The following RCSD1 variants were observed in gnomAD, a reference collection of about 807,000 sequenced individuals.
RCSD1 encodes the protein RCSD domain containing 1.
In RCSD1, 26 loss-of-function variants were observed where a neutral mutation model predicts 42.5. The ratio of observed to expected loss-of-function variants is 0.61; its 90% confidence interval spans 0.45 to 0.85. The LOEUF (loss-of-function observed/expected upper bound fraction) is 0.85, where lower values mean the gene tolerates loss of function less well. Among genes scored for constraint, RCSD1 ranks in the 40% least tolerant of loss-of-function variants. The pLI, the probability that RCSD1 is intolerant of heterozygous loss-of-function variation, is 0.00. For synonymous variants in RCSD1, 220 were observed against 212.2 expected, an observed-to-expected ratio of 1.04 and a Z score of -0.32; for missense variants, 571 against 528.3, an observed-to-expected ratio of 1.08 and a Z score of -0.79.
chr1:167,651,888 G>A (rs1658317811), intron 1 of RCSD1, among the ~76,000 whole-genome samples: 1 of 152,114 alleles, frequency 6.6e-6, no homozygotes, highest in Admixed American at 6.5e-5. Flanking sequence ...TCTTATCTGG[G>A]GGTTGGGTCC....
chr1:167,694,711 C>T (rs747683915), intron 5 of RCSD1, among the ~76,000 whole-genome samples: 1 of 152,202 alleles, frequency 6.6e-6, no homozygotes, highest in African/African-American at 2.4e-5. Flanking sequence ...AACTCCAAAA[C>T]GTCCTGTCTG....
intron 6 of RCSD1, among the ~76,000 whole-genome samples, chr1:167,698,654 A>T (rs560701027): frequency 5.0e-4 from 76 of 152,026 alleles, no homozygotes; most frequent in Non-Finnish European, 8.4e-4. Flanking sequence ...AGTCCCTAAC[A>T]ATCTCATCAA....
chr1:167,681,555 G>A (rs1334690741), intron 1 of RCSD1, among the ~76,000 whole-genome samples: 2 of 152,202 alleles, frequency 1.3e-5, no homozygotes, highest in South Asian at 2.1e-4. Flanking sequence ...TCTCACTTCT[G>A]AGCCCCTTGC....
chr1:167,680,406 G>A (rs528298779), intron 1 of RCSD1, among the ~76,000 whole-genome samples: 4 of 152,000 alleles, frequency 2.6e-5, no homozygotes, highest in South Asian at 4.2e-4. Context: ...GGTCGGATGG[G>A]AGGAGGAGGA....
Position 167,697,755 on chromosome 1 carries a change from C to G in RCSD1, c.1131C>G (p.Leu377=), listed in dbSNP as rs768305491. The G allele has an allele frequency of 2.0e-6, 3 of 1,537,520 alleles. No individual in the cohort carries two copies. Among genetic ancestry groups the G allele is most frequent in the Non-Finnish European group, 2.6e-6 (3 of 1,144,272 alleles). The change falls in exon 6 of 7, where the codon CTC becomes CTG. Residue 377 remains leucine, a synonymous_variant. Transcript: ENST00000367854. ...GKEKQQEGAV[L]EPGCSPQTGP... is the part of the protein sequence containing the mutation. ...AAAAACAACAGGAGGGGGCAGTGCT[C>G]GAGCCAGGCTGCAGCCCCCAGACCG...
intron 1 of RCSD1, among the ~76,000 whole-genome samples, chr1:167,632,292 G>A (rs979661558): frequency 2.0e-5 from 3 of 152,182 alleles, no homozygotes; most frequent in African/African-American, 7.2e-5. Context: ...TATGATGTAT[G>A]GCCTGTCTAA....
intron 3 of RCSD1, among the ~76,000 whole-genome samples, chr1:167,689,438 C>T (rs1460503902): frequency 6.7e-6 from 1 of 148,468 alleles, no homozygotes; most frequent in Non-Finnish European, 1.5e-5. Context: ...GCCGAGATTG[C>T]GCCATTGCAC....
At chr1:167,680,448 CTGTTTTTGTTTTTGTTTTTGTTTT>C (rs143240113) in intron 1 of RCSD1, among the ~76,000 whole-genome samples, 1 of 146,818 alleles carries the variant, frequency 6.8e-6, no homozygotes, top group African/African-American at 2.5e-5. Flanking sequence ...TAGATGAGCC[CTGTTTTTGTTTTTGTTTTTGTTTT>C]TGTTTTTGTT....
chr1:167,682,668 A>AGTGTGTGTGTGTGTGT (rs10607777), intron 1 of RCSD1, among the ~76,000 whole-genome samples: 4 of 142,618 alleles, frequency 2.8e-5, no homozygotes, highest in Non-Finnish European at 6.1e-5. Context: ...GCCATGGAAG[A>AGTGTGTGTGTGTGTGT]GTGTGTGTGT....
chr1:167,697,964 C>A, intron 6 of RCSD1, 122 bp downstream of exon 6: 1 of 1,228,916 alleles, frequency 8.1e-7, no homozygotes, highest in Non-Finnish European at 1.0e-6. Flanking sequence ...ACAAAGGTGC[C>A]AGGCTCCTGC....
intron 1 of RCSD1, among the ~76,000 whole-genome samples, chr1:167,636,620 G>A (rs1313445374): frequency 2.6e-5 from 4 of 151,288 alleles, no homozygotes; most frequent in African/African-American, 9.7e-5. Context: ...ACGGAGTTTT[G>A]CTCTTGTTGC....
At chr1:167,677,103 C>T (rs1184600067) in intron 1 of RCSD1, among the ~76,000 whole-genome samples, 1 of 152,222 alleles carries the variant, frequency 6.6e-6, no homozygotes, top group African/African-American at 2.4e-5. Flanking sequence ...TATCTGATTA[C>T]ATGTATTTGT....
intron 1 of RCSD1, among the ~76,000 whole-genome samples, chr1:167,668,931 G>A (rs1458021811): frequency 2.0e-5 from 3 of 152,160 alleles, no homozygotes. Context: ...CTAGAACTTT[G>A]TGTAGTGTTT....
At chr1:167,651,363 C>T (rs978589227) in intron 1 of RCSD1, among the ~76,000 whole-genome samples, 1 of 152,180 alleles carries the variant, frequency 6.6e-6, no homozygotes, top group East Asian at 1.9e-4. Flanking sequence ...GTTCTGGGTC[C>T]CACCTTTCCC....
At chr1:167,650,153 A>C (rs12742160) in intron 1 of RCSD1, among the ~76,000 whole-genome samples, 6,877 of 152,294 alleles carry the variant, frequency 0.045, 176 homozygotes, top group Non-Finnish European at 0.06. Context: ...TAAATGAGAT[A>C]ATGAATTCAG....
At chr1:167,699,748 T>G (rs1659594625) in intron 6 of RCSD1, among the ~76,000 whole-genome samples, 1 of 152,220 alleles carries the variant, frequency 6.6e-6, no homozygotes, top group South Asian at 2.1e-4. Context: ...CCAGCCATGC[T>G]GAGGTCTTTT....
chr1:167,697,120 A>G lies in RCSD1; in HGVS notation c.496A>G (p.Lys166Glu). 1 of 1,612,974 alleles carries G rather than the reference A, an allele frequency of 6.2e-7. No homozygotes were observed. Among genetic ancestry groups the G allele is most frequent in the East Asian group, 2.2e-5 (1 of 44,884 alleles). ...CTAGGTGCGGACGAGGGGCTCAATA[A>G]AAAGGCGCCCTCCCTCCAGGCGATT... ...YNKVRTRGSIKRRPPSRRFRR... is the reference protein window; with the variant it reads ...YNKVRTRGSIERRPPSRRFRR... Residue 166 changes from lysine (K) to glutamate (E), a missense_variant, in exon 6 of 7, where the codon AAA (lysine) becomes GAA (glutamate). By Grantham distance (56) the Lys-to-Glu change is moderately conservative. Transcript: ENST00000367854.
At chr1:167,681,746 G>A (rs1571700166) in intron 1 of RCSD1, among the ~76,000 whole-genome samples, 1 of 152,242 alleles carries the variant, frequency 6.6e-6, no homozygotes, top group Admixed American at 6.5e-5. Flanking sequence ...GATCTGTGAT[G>A]TGGGCAAGAA....
chr1:167,690,250 A>G, intron 4 of RCSD1, 130 bp downstream of exon 4: 2 of 757,144 alleles, frequency 2.6e-6, no homozygotes, highest in Non-Finnish European at 4.4e-6. Flanking sequence ...ATAATCAGCC[A>G]GTGATCAAAT....
Sources: gnomAD v4.1 joint callset for allele counts (sites outside exome capture counted in the v4.1 genomes callset) on GRCh38, gnomAD v4.1.1 for gene constraint, MANE v1.5 for transcripts, NCBI Gene and HGNC (gene_info 2026-07-23, HGNC 2026-07-21) for gene names.